SLC8A1: variants seen among roughly 807,000 people sequenced by gnomAD.
The protein encoded by SLC8A1 is sodium/calcium exchanger 1.
Under a neutral mutation model 68.3 loss-of-function variants are expected in SLC8A1, and 18 were observed. The ratio of observed to expected loss-of-function variants is 0.26; its 90% confidence interval spans 0.18 to 0.39. The LOEUF is 0.39. Ranked by LOEUF, SLC8A1 falls within the 10% of genes least tolerant of loss-of-function variation. The pLI is 1.00. For missense variants in SLC8A1, 985 were observed against 1,156.7 expected, an observed-to-expected ratio of 0.85 and a Z score of 2.15; for synonymous variants, 475 against 415.5, an observed-to-expected ratio of 1.14 and a Z score of -1.74.
chr2:40,232,394 AT>A (rs66713157), intron 2 of SLC8A1, among the ~76,000 whole-genome samples: 5 of 146,516 alleles, frequency 3.4e-5, no homozygotes, highest in East Asian at 2.0e-4. Flanking sequence ...GGTGCAAGTT[AT>A]TTTTTTTTTG....
Position 40,221,420 on chromosome 2 carries a change from C to G in SLC8A1, c.1809-43565G>C, listed in dbSNP as rs6756711. ...GCTATCTATGACAAACCCACAGCCA[C>G]TATCATACTGAATGGGCAAAACCTG... On this transcript the variant is annotated intron_variant, in intron 2 of 7. Transcript: ENST00000406785. Among the ~76,000 whole-genome samples, 424 of 152,106 alleles carry G rather than the reference C, an allele frequency of 2.8e-3. 2 individuals carry two copies. The highest frequency in any genetic ancestry group is 6.8e-3 in the Middle Eastern group (2 of 294).
At chr2:40,214,545 T>C (rs984738553) in intron 2 of SLC8A1, among the ~76,000 whole-genome samples, 4 of 151,616 alleles carry the variant, frequency 2.6e-5, no homozygotes, top group Admixed American at 6.6e-5. Flanking sequence ...TAGGTTCAAG[T>C]ATTCTCCTGC....
At chr2:40,377,574 A>G (rs754170609) in intron 2 of SLC8A1, among the ~76,000 whole-genome samples, 2 of 151,738 alleles carry the variant, frequency 1.3e-5, no homozygotes, top group Non-Finnish European at 2.9e-5. Flanking sequence ...CCTAGAGCAG[A>G]GCTCAAAGTG....
chr2:40,279,502 C>G (rs1212764688), intron 2 of SLC8A1, among the ~76,000 whole-genome samples: 1 of 152,134 alleles, frequency 6.6e-6, no homozygotes, highest in African/African-American at 2.4e-5. Context: ...ACTGTGACAT[C>G]TGAAACATAA....
intron 2 of SLC8A1, among the ~76,000 whole-genome samples, chr2:40,284,602 T>TTA (rs1387119167): frequency 6.8e-6 from 1 of 147,440 alleles, no homozygotes; most frequent in Non-Finnish European, 1.5e-5. Context: ...TGTTATTACA[T>TTA]TATATATATA....
At chr2:40,298,536 C>T (rs1011436717) in intron 2 of SLC8A1, among the ~76,000 whole-genome samples, 7 of 152,186 alleles carry the variant, frequency 4.6e-5, no homozygotes, top group South Asian at 2.1e-4. Flanking sequence ...AAAAATAATA[C>T]GTAACAAAAT....
intron 6 of SLC8A1, among the ~76,000 whole-genome samples, chr2:40,146,130 G>T (rs568470072): frequency 3.9e-5 from 6 of 152,124 alleles, no homozygotes; most frequent in Non-Finnish European, 8.8e-5. Flanking sequence ...GAAAACAATA[G>T]GTTCGAATTC....
chr2:40,252,872 TAATA>T (rs1292138882), intron 2 of SLC8A1, among the ~76,000 whole-genome samples: 2 of 111,458 alleles, frequency 1.8e-5, no homozygotes, highest in Non-Finnish European at 3.4e-5. Flanking sequence ...TTGATTCCAA[TAATA>T]TATATTTTGA....
intron 1 of SLC8A1, among the ~76,000 whole-genome samples, chr2:40,467,941 G>C (rs963312890): frequency 2.0e-5 from 3 of 151,874 alleles, no homozygotes; most frequent in Non-Finnish European, 2.9e-5. Flanking sequence ...ATTAAATATG[G>C]GTATAACTTT....
intron 2 of SLC8A1, among the ~76,000 whole-genome samples, chr2:40,320,949 C>T (rs2075110433): frequency 6.6e-6 from 1 of 152,070 alleles, no homozygotes; most frequent in Non-Finnish European, 1.5e-5. Flanking sequence ...AGCCTGGATC[C>T]CTGGACTGCC....
intron 2 of SLC8A1, among the ~76,000 whole-genome samples, chr2:40,392,055 T>C (rs1228320580): frequency 1.1e-5 from 1 of 94,536 alleles, no homozygotes; most frequent in African/African-American, 5.0e-5. Context: ...ACAAACAAAA[T>C]AAGAAGGAAG....
chr2:40,228,851 G>A lies in SLC8A1; in HGVS notation c.1809-50996C>T, dbSNP rs950714771. The stretch of plus-strand genomic sequence containing the variant: ...AGGGTGGAAAAAAGCTATACCTATT[G>A]TTAGAGAAATTTGCAGAATGTTTTG... On this transcript the variant is annotated intron_variant, in intron 2 of 7. Transcript: ENST00000406785. Among the ~76,000 whole-genome samples the A allele has an allele frequency of 3.3e-5, 5 of 152,210 alleles. No homozygotes were observed. In the East Asian group the frequency reaches 5.8e-4, roughly 18 times the overall value.
At chr2:40,442,964 C>A (rs561948911) in intron 1 of SLC8A1, among the ~76,000 whole-genome samples, 7 of 151,980 alleles carry the variant, frequency 4.6e-5, no homozygotes, top group Admixed American at 4.6e-4. Flanking sequence ...GGGACATGGA[C>A]GAAGCTGGAA....
intron 2 of SLC8A1, among the ~76,000 whole-genome samples, chr2:40,369,722 G>A (rs967762475): frequency 1.3e-4 from 20 of 152,080 alleles, no homozygotes; most frequent in Admixed American, 4.6e-4. Flanking sequence ...TTCTTTAGCA[G>A]ATCTTGTAAA....
intron 1 of SLC8A1, among the ~76,000 whole-genome samples, chr2:40,478,979 C>T (rs1423120694): frequency 6.6e-6 from 1 of 151,942 alleles, no homozygotes; most frequent in African/African-American, 2.4e-5. Flanking sequence ...ACCATGTTGG[C>T]CAGGATAGTC....
At chr2:40,366,300 G>C (rs961523950) in intron 2 of SLC8A1, among the ~76,000 whole-genome samples, 1 of 152,018 alleles carries the variant, frequency 6.6e-6, no homozygotes, top group Non-Finnish European at 1.5e-5. Flanking sequence ...AAATAGTGCT[G>C]ACACATGGTA....
chr2:40,266,998 C>T (rs550520587), intron 2 of SLC8A1, among the ~76,000 whole-genome samples: 2 of 152,088 alleles, frequency 1.3e-5, no homozygotes, highest in African/African-American at 2.4e-5. Flanking sequence ...AGGGCTTTCC[C>T]TCCTGTTTGT....
chr2:40,434,999 C>T (rs1458831141), intron 1 of SLC8A1, among the ~76,000 whole-genome samples: 2 of 152,126 alleles, frequency 1.3e-5, no homozygotes, highest in Non-Finnish European at 2.9e-5. Flanking sequence ...CCATTCCCTG[C>T]TGGAAGCTAT....
intron 2 of SLC8A1, among the ~76,000 whole-genome samples, chr2:40,260,903 A>G (rs2064610214): frequency 6.6e-6 from 1 of 152,192 alleles, no homozygotes; most frequent in Admixed American, 6.5e-5. Context: ...AGTTTCCTTC[A>G]AGAACTTTTC....
Sources: allele counts gnomAD v4.1 joint callset (sites outside exome capture counted in the v4.1 genomes callset), GRCh38; gene constraint gnomAD v4.1.1; transcripts MANE v1.5; gene names NCBI Gene and HGNC (gene_info 2026-07-23, HGNC 2026-07-21).